PXDNL: variants seen among roughly 807,000 people sequenced by gnomAD.
PXDNL encodes peroxidasin like, also known as probable oxidoreductase PXDNL.
A neutral mutation model predicts 150.8 loss-of-function variants in PXDNL; 145 were observed. That is an observed-to-expected ratio of 0.96 (90% CI 0.84 to 1.10). PXDNL has a LOEUF of 1.10. Ranked by LOEUF, PXDNL falls within the 50% of genes least tolerant of loss-of-function variation. PXDNL has a pLI of 0.00. For missense variants in PXDNL, 2,087 were observed against 1,873.9 expected, an observed-to-expected ratio of 1.11 and a Z score of -2.10; for synonymous variants, 757 against 725.7, an observed-to-expected ratio of 1.04 and a Z score of -0.69.
At chr8:51,385,179 G>A (rs1807661544) in intron 17 of PXDNL, among the ~76,000 whole-genome samples, 1 of 151,992 alleles carries the variant, frequency 6.6e-6, no homozygotes, top group African/African-American at 2.4e-5. Flanking sequence ...TTCTCCACTG[G>A]TTACATACAG....
intron 21 of PXDNL, among the ~76,000 whole-genome samples, chr8:51,334,534 G>A (rs1805785304): frequency 6.6e-6 from 1 of 152,096 alleles, no homozygotes; most frequent in Admixed American, 6.6e-5. Context: ...CAAAAAGCTG[G>A]TTCTTTGAAA....
chr8:51,473,078 T>A (rs965226367), intron 7 of PXDNL, among the ~76,000 whole-genome samples: 3 of 152,208 alleles, frequency 2.0e-5, no homozygotes, highest in Non-Finnish European at 4.4e-5. Flanking sequence ...GCTTACTTCA[T>A]TAAAACTCCA....
intron 2 of PXDNL, among the ~76,000 whole-genome samples, chr8:51,631,804 G>C (rs1814493976): frequency 6.6e-6 from 1 of 152,112 alleles, no homozygotes; most frequent in South Asian, 2.1e-4. Context: ...GTATAGGGCA[G>C]AGTTTATGCT....
At chr8:51,744,306 A>AAG (rs1327297076) in intron 1 of PXDNL, among the ~76,000 whole-genome samples, 2 of 147,974 alleles carry the variant, frequency 1.4e-5, no homozygotes, top group Admixed American at 6.7e-5. Flanking sequence ...GAAAGAAAGA[A>AAG]AGAGAAAGAA....
chr8:51,725,266 T>C (rs1264174594), intron 1 of PXDNL, among the ~76,000 whole-genome samples: 1 of 152,208 alleles, frequency 6.6e-6, no homozygotes, highest in Non-Finnish European at 1.5e-5. Flanking sequence ...TGTCCGTCGA[T>C]CACAGAAATA....
intron 19 of PXDNL, among the ~76,000 whole-genome samples, chr8:51,348,940 A>G (rs1433307929): frequency 6.6e-6 from 1 of 152,260 alleles, no homozygotes; most frequent in African/African-American, 2.4e-5. Context: ...GGCTTATGCA[A>G]CTTGCAAATA....
Position 51,809,386 on chromosome 8 carries a change from G to A in PXDNL, c.-42C>T. ...GGCCACGCGAAGAAGCAGCCGGAGG[G>A]AGAGCAGCAGCTGCAGCTGCAGCAG... On this transcript the variant is annotated 5_prime_UTR_variant, in exon 1 of 23. Coordinates refer to ENST00000356297, the MANE Select transcript of PXDNL (RefSeq NM_144651.5). 7.4e-6 allele frequency: 11 copies of A among 1,491,740 alleles called. No individual in the cohort carries two copies. The highest frequency in any genetic ancestry group is 9.8e-6 in the Non-Finnish European group (11 of 1,121,720). The allele number at this position is 1,491,740 out of a possible 1,614,324, so 92.4% of individuals were successfully genotyped here. A position where few individuals can be genotyped will look rare whatever the true frequency, so the allele number is the denominator to read the frequency against.
intron 21 of PXDNL, among the ~76,000 whole-genome samples, chr8:51,329,326 A>C (rs980685629): frequency 6.6e-6 from 1 of 152,214 alleles, no homozygotes; most frequent in African/African-American, 2.4e-5. Flanking sequence ...AGGAAAAACA[A>C]AAACAAAGAC....
chr8:51,632,656 T>C (rs375382805), intron 2 of PXDNL, among the ~76,000 whole-genome samples: 30 of 152,276 alleles, frequency 2.0e-4, no homozygotes, highest in Middle Eastern at 6.8e-3. Context: ...GATGCAGTTA[T>C]AGAATAAACA....
intron 19 of PXDNL, among the ~76,000 whole-genome samples, chr8:51,369,973 C>T (rs1807048465): frequency 6.6e-6 from 1 of 152,138 alleles, no homozygotes; most frequent in African/African-American, 2.4e-5. Context: ...AGGAACTGCC[C>T]TTGGTGGGGG....
At chr8:51,711,474 G>C (rs1164728834) in intron 1 of PXDNL, among the ~76,000 whole-genome samples, 1 of 152,192 alleles carries the variant, frequency 6.6e-6, no homozygotes, top group African/African-American at 2.4e-5. Context: ...TATTGTGATT[G>C]TTTGCTTCAG....
At chr8:51,412,323 T>A (rs1808675549) in intron 15 of PXDNL, among the ~76,000 whole-genome samples, 1 of 152,212 alleles carries the variant, frequency 6.6e-6, no homozygotes, top group African/African-American at 2.4e-5. Context: ...TTATTTTTTC[T>A]TCCTAGCAAG....
intron 3 of PXDNL, among the ~76,000 whole-genome samples, chr8:51,584,488 T>G (rs1028886280): frequency 1.3e-5 from 2 of 152,208 alleles, no homozygotes; most frequent in African/African-American, 4.8e-5. Context: ...ATATAAAACC[T>G]TACAGGTTTG....
intron 4 of PXDNL, among the ~76,000 whole-genome samples, chr8:51,551,021 G>A (rs1225735399): frequency 6.6e-6 from 1 of 152,022 alleles, no homozygotes; most frequent in African/African-American, 2.4e-5. Context: ...CACCAACAGT[G>A]ACCAAGCTGA....
intron 3 of PXDNL, among the ~76,000 whole-genome samples, chr8:51,577,676 T>G (rs891356566): frequency 3.3e-5 from 5 of 149,884 alleles, no homozygotes; most frequent in Non-Finnish European, 5.9e-5. Flanking sequence ...GACTAAATTC[T>G]ATGCCCATTC....
At chr8:51,602,757 A>G (rs1813750742) in intron 2 of PXDNL, among the ~76,000 whole-genome samples, 2 of 151,696 alleles carry the variant, frequency 1.3e-5, no homozygotes, top group Admixed American at 6.6e-5. Context: ...GCAAAAAATT[A>G]AACGTTTGTT....
rs770359178 is a variant in PXDNL at position 51,409,171 on chromosome 8, A to C, written c.2453T>G (p.Val818Gly). Residue 818 changes from valine to glycine, a missense_variant, in exon 17 of 23, where the codon GTG becomes GGG. Val to Gly is a moderately radical substitution (Grantham distance 109). Transcript: ENST00000356297. ...GAAGCGGGCTGTGCTCAGCGCAGGC[A>C]CTGTGTGGTCCAAGTCGTGCTCTAG... is the stretch of plus-strand genomic sequence containing the variant. The part of the protein sequence containing the change: ...WFLEHDLDHT[V>G]PALSTARFSD... The C allele has an allele frequency of 1.1e-4, 169 of 1,599,050 alleles. No homozygotes were observed. Among genetic ancestry groups the C allele is most frequent in the Non-Finnish European group, 1.4e-4 (160 of 1,176,886 alleles).
chr8:51,570,350 T>C (rs377620021), intron 3 of PXDNL, among the ~76,000 whole-genome samples: 25 of 152,052 alleles, frequency 1.6e-4, no homozygotes, highest in Middle Eastern at 3.4e-3. Context: ...GCGAAATTGT[T>C]TGAGCCATTA....
intron 2 of PXDNL, among the ~76,000 whole-genome samples, chr8:51,645,069 G>A (rs891861787): frequency 3.9e-5 from 6 of 152,106 alleles, no homozygotes; most frequent in African/African-American, 7.2e-5. Flanking sequence ...AGGAAAGCCC[G>A]TGGTACAGTC....
Sources: allele counts gnomAD v4.1 joint callset (sites outside exome capture counted in the v4.1 genomes callset), GRCh38; gene constraint gnomAD v4.1.1; transcripts MANE v1.5; gene names NCBI Gene and HGNC (gene_info 2026-07-23, HGNC 2026-07-21).